AGAP1: variants seen among roughly 807,000 people sequenced by gnomAD.
The protein encoded by AGAP1 is ArfGAP with GTPase domain, ankyrin repeat and PH domain 1.
AGAP1 carries 29 observed loss-of-function variants against 105.3 expected under a neutral mutation model. The ratio of observed to expected loss-of-function variants is 0.28; its 90% CI spans 0.21 to 0.38. The LOEUF is 0.38. AGAP1 is among the 10% of genes least tolerant of loss of function. The pLI, the probability that AGAP1 is intolerant of heterozygous loss-of-function variation, is 1.00. For synonymous variants in AGAP1, 509 were observed against 485.9 expected (o/e 1.05, Z -0.63); for missense variants, 998 against 1,165.1 (o/e 0.86, Z 2.09).
At chr2:235,537,148 C>T (rs552148523) in intron 1 of AGAP1, among the ~76,000 whole-genome samples, 15 of 152,174 alleles carry the variant, frequency 9.9e-5, no homozygotes, top group Non-Finnish European at 2.2e-4. Context: ...AGGATATAAA[C>T]AATAAGCACA....
rs2057585658 is a variant in AGAP1 at position 236,042,649 on chromosome 2, T to C, written c.1891+1808T>C. 6.6e-6 allele frequency among the ~76,000 whole-genome samples: 1 copy of C among 152,122 alleles called. No individual in the cohort carries two copies. Among genetic ancestry groups the C allele is most frequent in the Non-Finnish European group, 1.5e-5 (1 of 68,014 alleles). ...CATCCGTGGCTTGCGGGGACCATGA[T>C]ACCTGGCAAATCGGAGGTCGCAGGT... On this transcript the variant is annotated intron_variant, in intron 15 of 17. Coordinates refer to ENST00000304032, the MANE Select transcript of AGAP1 (RefSeq NM_001037131.3). The surrounding 1 kb of genome is among the most constrained non-coding windows in gnomAD (Gnocchi z 5.6).
Position 235,642,349 on chromosome 2 carries a change from A to G in AGAP1, c.164-66830A>G, listed in dbSNP as rs1286343719. On this transcript the variant is annotated intron_variant, in intron 1 of 17. Transcript: ENST00000304032. The surrounding 1 kb of genome is among the most constrained non-coding windows in gnomAD (Gnocchi z 4.1). ...TCAACCTCCTGGGACCTGGGGCTGC[A>G]CCCACTGGCATTGATTAGAAGAGAG... Among the ~76,000 whole-genome samples the G allele has an allele frequency of 2.0e-5, 3 of 152,206 alleles. No individual in the cohort carries two copies. The highest frequency in any genetic ancestry group is 7.2e-5 in the African/African-American group (3 of 41,448).
chr2:235,520,069 A>G (rs916312349), intron 1 of AGAP1, among the ~76,000 whole-genome samples: 3 of 152,206 alleles, frequency 2.0e-5, no homozygotes, highest in African/African-American at 4.8e-5. Context: ...GGCATGAGCC[A>G]CCAGGCCCGG....
At chr2:235,684,290 C>T (rs551441794) in intron 1 of AGAP1, among the ~76,000 whole-genome samples, 81 of 152,200 alleles carry the variant, frequency 5.3e-4, no homozygotes, top group Non-Finnish European at 5.6e-4. Context: ...ATGATCCACC[C>T]GCCTCGGCCT....
At chr2:235,863,311 A>C (rs2049014696) in intron 9 of AGAP1, among the ~76,000 whole-genome samples, 1 of 152,250 alleles carries the variant, frequency 6.6e-6, no homozygotes. Context: ...GAGAAAAAGT[A>C]AGAAGAAATA....
chr2:235,558,930 A>AT (rs904282400), intron 1 of AGAP1, among the ~76,000 whole-genome samples: 46 of 148,424 alleles, frequency 3.1e-4, no homozygotes, highest in East Asian at 7.9e-4. Context: ...GTCATTGAAG[A>AT]TTTTTTTTTT....
Position 236,124,387 on chromosome 2 carries a change from G to A in AGAP1, c.*265G>A, listed in dbSNP as rs1293241095. ...CACACAGGAGAGAGCGACGGGCCTC[G>A]GCCCTTTGATGATAGCACATGGCGC... is the stretch of plus-strand genomic sequence containing the variant. On this transcript the variant is annotated 3_prime_UTR_variant, in exon 18 of 18. Coordinates refer to ENST00000304032, the MANE Select transcript of AGAP1 (RefSeq NM_001037131.3). This position sits in a 1 kb window ranked among gnomAD's most constrained non-coding sequence, Gnocchi z 5.1. 2.1e-5 allele frequency: 11 copies of A among 526,200 alleles called. No individual in the cohort carries two copies. Among genetic ancestry groups the A allele is most frequent in the East Asian group, 1.3e-4 (4 of 29,896 alleles). 32.6% of individuals were successfully genotyped at this position (526,200 alleles called of 1,614,324 possible).
At chr2:235,814,939 G>A (rs773137020) in intron 9 of AGAP1, among the ~76,000 whole-genome samples, 7 of 152,196 alleles carry the variant, frequency 4.6e-5, no homozygotes, top group South Asian at 2.1e-4. Flanking sequence ...ACTCATGGCC[G>A]CACGGAGTGG....
At position 235,729,896 on chromosome 2, in the gene AGAP1, C is replaced by T. The variant is rs539069072; in HGVS notation, c.311-11067C>T. Among the ~76,000 whole-genome samples the T allele has an allele frequency of 9.9e-5, 15 of 152,196 alleles. No individual in the cohort carries two copies. The South Asian group carries it at 3.1e-3, about 32-fold the overall frequency. On this transcript the variant is annotated intron_variant, in intron 3 of 17. Transcript: ENST00000304032. The surrounding 1 kb of genome is among the most constrained non-coding windows in gnomAD (Gnocchi z 5.0). ...GTAAACATAAAAACAAAGAAGGATA[C>T]AACATGCAAGGCCTAAAATGTTTAC...
rs544716622 is a variant in AGAP1, at chr2:236,002,874, C to T, written c.1646-33687C>T. ...AGTGTGATTTGAAAAATGACCAAGT[C>T]TCCTAAGGTGAAGTTTGTGTGTGAA... On this transcript the variant is annotated intron_variant, in intron 13 of 17. Transcript: ENST00000304032. The surrounding 1 kb of genome is among the most constrained non-coding windows in gnomAD (Gnocchi z 4.3). 6.6e-6 allele frequency among the ~76,000 whole-genome samples: 1 copy of T among 152,188 alleles called. No individual in the cohort carries two copies. Among genetic ancestry groups the T allele is most frequent in the African/African-American group, 2.4e-5 (1 of 41,520 alleles).
intron 16 of AGAP1, among the ~76,000 whole-genome samples, chr2:236,116,503 C>A (rs2059774642): frequency 6.6e-6 from 1 of 151,974 alleles, no homozygotes; most frequent in Non-Finnish European, 1.5e-5. Context: ...GCACCTGCCA[C>A]CACACCGGCT....
At chr2:236,115,916 T>C (rs1439507473) in intron 16 of AGAP1, among the ~76,000 whole-genome samples, 1 of 151,968 alleles carries the variant, frequency 6.6e-6, no homozygotes, top group African/African-American at 2.4e-5. Flanking sequence ...GCGATTCTCC[T>C]GCCTCAGCCT....
At chr2:236,060,489 C>T (rs2058160602) in intron 16 of AGAP1, among the ~76,000 whole-genome samples, 1 of 151,160 alleles carries the variant, frequency 6.6e-6, no homozygotes, top group Non-Finnish European at 1.5e-5. Flanking sequence ...AGGAGTTTGA[C>T]ACCAGTCTGG....
At position 236,046,382 on chromosome 2, in the gene AGAP1, C is replaced by T. The variant is rs1279878145; in HGVS notation, c.1892-2677C>T. 2.6e-5 allele frequency among the ~76,000 whole-genome samples: 4 copies of T among 152,126 alleles called. No homozygotes were observed. Among genetic ancestry groups the T allele is most frequent in the Non-Finnish European group, 5.9e-5 (4 of 68,014 alleles). ...GACGGGCAAGGCCGCAGACAGGAGC[C>T]CCTTGCACCCCAGTTGCGATGCTGG... On this transcript the variant is annotated intron_variant, in intron 15 of 17. Transcript: ENST00000304032. The surrounding 1 kb of genome is among the most constrained non-coding windows in gnomAD (Gnocchi z 5.2).
chr2:235,808,294 CCT>C (rs1957947439), intron 9 of AGAP1, among the ~76,000 whole-genome samples: 1 of 152,234 alleles, frequency 6.6e-6, no homozygotes, highest in African/African-American at 2.4e-5. Flanking sequence ...GCTTTGCTCT[CCT>C]CTCTCCTGCG....
chr2:235,500,448 G>A (rs901939431), intron 1 of AGAP1, among the ~76,000 whole-genome samples: 5 of 152,206 alleles, frequency 3.3e-5, no homozygotes, highest in East Asian at 1.9e-4. Context: ...TCCAGGGACC[G>A]CACTTCTGGA....
At chr2:235,796,353 A>G (rs745719357) in intron 6 of AGAP1, among the ~76,000 whole-genome samples, 2 of 152,216 alleles carry the variant, frequency 1.3e-5, no homozygotes, top group Admixed American at 1.3e-4. Flanking sequence ...AATGTCTTCA[A>G]AGACCCCAGA....
At chr2:235,925,404 G>A (rs995001307) in intron 11 of AGAP1, among the ~76,000 whole-genome samples, 7 of 152,174 alleles carry the variant, frequency 4.6e-5, no homozygotes, top group African/African-American at 1.7e-4. Flanking sequence ...AAACGGCTGT[G>A]TGTTGAGGTG....
Position 235,971,051 on chromosome 2 carries a change from G to A in AGAP1, c.1645+2428G>A, listed in dbSNP as rs931582671. Among the ~76,000 whole-genome samples, 4 of 152,206 alleles carry A rather than the reference G, an allele frequency of 2.6e-5. No individual in the cohort carries two copies. Among genetic ancestry groups the A allele is most frequent in the Non-Finnish European group, 4.4e-5 (3 of 68,036 alleles). On this transcript the variant is annotated intron_variant, in intron 13 of 17. Coordinates refer to ENST00000304032, the MANE Select transcript of AGAP1 (RefSeq NM_001037131.3). The surrounding 1 kb of genome is among the most constrained non-coding windows in gnomAD (Gnocchi z 4.8). The stretch of plus-strand genomic sequence containing the variant: ...AAACATGGATGTGTAAGCGGGTGAC[G>A]TGTGTTTGGAAGTCCAAGGCAGAGG...
Sources: allele counts gnomAD v4.1 joint callset (sites outside exome capture counted in the v4.1 genomes callset), GRCh38; gene constraint gnomAD v4.1.1; non-coding constraint Gnocchi (gnomAD v3.1); transcripts MANE v1.5; gene names NCBI Gene and HGNC (gene_info 2026-07-23, HGNC 2026-07-21).